LAIR2: variants seen among roughly 807,000 people sequenced by gnomAD.
LAIR2 encodes the protein leukocyte associated immunoglobulin like receptor 2.
In LAIR2, 14 loss-of-function variants were observed where a neutral mutation model predicts 14.8. The ratio of observed to expected loss-of-function variants is 0.95; its 90% CI spans 0.62 to 1.48. The LOEUF is 1.48. Ranked by LOEUF, LAIR2 falls within the 40% of genes most tolerant of loss-of-function variation. The pLI is 0.00. For missense variants in LAIR2, 172 were observed against 180.9 expected, an observed-to-expected ratio of 0.95 and a Z score of 0.28; for synonymous variants, 75 against 74.5, an observed-to-expected ratio of 1.01 and a Z score of -0.03.
chr19:54,508,223 G>C (rs2277973), intron 3 of LAIR2, 39 bp downstream of exon 3: 35 of 1,579,040 alleles, frequency 2.2e-5, no homozygotes, highest in Non-Finnish European at 3.0e-5. Context: ...GTCTCAGCTC[G>C]ACCCTCGAGC....
intron 1 of LAIR2, among the ~76,000 whole-genome samples, chr19:54,503,184 A>G (rs562925300): frequency 1.6e-4 from 24 of 152,208 alleles, no homozygotes; most frequent in Admixed American, 1.3e-4. Flanking sequence ...CTGGGGGGCC[A>G]GGCGCGGTGC....
chr19:54,503,544 C>T (rs1345000796), intron 1 of LAIR2, among the ~76,000 whole-genome samples, 156 bp from the exon 2 acceptor site: 1 of 152,180 alleles, frequency 6.6e-6, no homozygotes, highest in Non-Finnish European at 1.5e-5. Flanking sequence ...CATTTTGCAG[C>T]AAGAAGGATT....
intron 3 of LAIR2, among the ~76,000 whole-genome samples, chr19:54,508,797 C>T (rs1428182448): frequency 6.6e-6 from 1 of 152,294 alleles, no homozygotes; most frequent in Admixed American, 6.5e-5. Context: ...TCAGCAGTCC[C>T]CTGAGGTCAA....
intron 3 of LAIR2, among the ~76,000 whole-genome samples, chr19:54,508,439 C>T (rs10424741): frequency 1.3e-5 from 2 of 152,220 alleles, no homozygotes; most frequent in Non-Finnish European, 2.9e-5. Flanking sequence ...ATTGGGTTGG[C>T]TCAGAGCTGG....
Position 54,508,009 on chromosome 19 carries a change from G to A in LAIR2, c.189G>A (p.Glu63=), listed in dbSNP as rs2085396025. 5 of 1,614,078 alleles carry A rather than the reference G, an allele frequency of 3.1e-6. No homozygotes were observed. In the East Asian group the frequency reaches 8.9e-5, roughly 29 times the overall value. ...VGVQTFRLER[E]DRAKYKDSYN... is the part of the protein sequence containing the mutation. ...TTCAAACATTCCGCCTGGAGAGGGA[G>A]GATAGAGCCAAGTACAAAGATAGTT... Residue 63 remains glutamate, a synonymous_variant, in exon 3 of 5, where the codon GAG becomes GAA. Coordinates refer to ENST00000301202, the MANE Select transcript of LAIR2 (RefSeq NM_002288.6).
intron 4 of LAIR2, among the ~76,000 whole-genome samples, chr19:54,509,937 T>A (rs1462966272): frequency 6.7e-6 from 1 of 149,322 alleles, no homozygotes; most frequent in Non-Finnish European, 1.5e-5. Flanking sequence ...ATCCCCAGAG[T>A]ACGTCCTTGG....
At chr19:54,507,744 G>A (rs113776160) in intron 2 of LAIR2, 147 bp from the exon 3 acceptor site, 60 of 725,620 alleles carry the variant, frequency 8.3e-5, no homozygotes, top group Non-Finnish European at 8.9e-5. Flanking sequence ...TGCAGGAGGC[G>A]TGGGAATGTT....
chr19:54,503,072 AG>A, intron 1 of LAIR2, 120 bp downstream of exon 1: 1 of 931,698 alleles, frequency 1.1e-6, no homozygotes, highest in Non-Finnish European at 1.7e-6. Flanking sequence ...CCTCCCCCCA[AG>A]ACTGCCCTAC....
chr19:54,507,026 A>G (rs1043802406), intron 2 of LAIR2, among the ~76,000 whole-genome samples: 1 of 151,764 alleles, frequency 6.6e-6, no homozygotes, highest in African/African-American at 2.4e-5. Flanking sequence ...ATCATGTTGT[A>G]CACCTTAAAT....
At chr19:54,503,643 C>T (rs550851903) in intron 1 of LAIR2, 57 bp from the exon 2 acceptor site, 2 of 1,612,170 alleles carry the variant, frequency 1.2e-6, no homozygotes, top group South Asian at 2.2e-5. Context: ...CTTTTGACAG[C>T]AGCCCTGTAA....
At chr19:54,510,302 G>A (rs558563974) in intron 4 of LAIR2, among the ~76,000 whole-genome samples, 2 of 150,714 alleles carry the variant, frequency 1.3e-5, no homozygotes, top group Non-Finnish European at 2.9e-5. Context: ...TTCAAATCCC[G>A]GTGGTTCTGC....
chr19:54,503,795 G>A, intron 2 of LAIR2, 60 bp downstream of exon 2: 1 of 1,611,128 alleles, frequency 6.2e-7, no homozygotes, highest in Non-Finnish European at 8.5e-7. Flanking sequence ...GGCAGTGCTG[G>A]GTGGGAGTGA....
At chr19:54,505,798 A>T (rs184262998) in intron 2 of LAIR2, among the ~76,000 whole-genome samples, 1 of 148,814 alleles carries the variant, frequency 6.7e-6, no homozygotes, top group Admixed American at 6.7e-5. Flanking sequence ...GCCGCTCAAC[A>T]TGGTGGTTCT....
rs769096148 is a variant in LAIR2, at chr19:54,502,955, G to A, written c.34+3G>A. The stretch of plus-strand genomic sequence containing the variant: ...CCTCACTGCTCTCCTGGGCCTAGGT[G>A]AGTCCTGGAGGGAGCGGGAAGGACT... On this transcript the variant is annotated splice_donor_region_variant and intron_variant, in intron 1 of 4. Transcript: ENST00000301202. 1.2e-6 allele frequency: 2 copies of A among 1,612,456 alleles called. No homozygotes were observed. Among genetic ancestry groups the A allele is most frequent in the South Asian group, 2.2e-5 (2 of 90,864 alleles).
intron 1 of LAIR2, among the ~76,000 whole-genome samples, chr19:54,503,341 C>T (rs113717581): frequency 0.049 from 7,488 of 152,058 alleles, 253 homozygotes; most frequent in African/African-American, 0.098. Context: ...ACCTGTAATC[C>T]CAGCTACTCG....
intron 3 of LAIR2, among the ~76,000 whole-genome samples, chr19:54,508,390 C>T (rs2085408770): frequency 6.6e-6 from 1 of 152,208 alleles, no homozygotes; most frequent in East Asian, 1.9e-4. Context: ...CCCTGATCTC[C>T]TCTGGACGCC....
In LAIR2 at chr19:54,508,071, C is replaced by T. The variant is rs772757414; in HGVS notation, c.251C>T (p.Ala84Val). 1 of 1,614,074 alleles carries T rather than the reference C, an allele frequency of 6.2e-7. No homozygotes were observed. Among genetic ancestry groups the T allele is most frequent in the East Asian group, 2.2e-5 (1 of 44,882 alleles). ...CGACTTGGTCCATCTGAGTCAGAGGCCAGATTCCACATTGACTCAGTAAGT... is the reference window on the plus strand; with the variant it reads ...CGACTTGGTCCATCTGAGTCAGAGGTCAGATTCCACATTGACTCAGTAAGT... Reference protein sequence around the residue: ...VFRLGPSESEARFHIDSVSEG... With the variant: ...VFRLGPSESEVRFHIDSVSEG... The change falls in exon 3 of 5, where the codon GCC becomes GTC. Residue 84 changes from alanine to valine, a missense_variant. This residue lies in a region of LAIR2 where 161 missense variants were observed against 149.0 expected (regional missense o/e 1.08). Transcript: ENST00000301202.
intron 2 of LAIR2, 29 bp from the exon 3 acceptor site, chr19:54,507,862 G>A: frequency 1.9e-6 from 3 of 1,600,104 alleles, no homozygotes; most frequent in East Asian, 2.2e-5. Flanking sequence ...TACAGTGGAC[G>A]CTGAGATCCT....
At position 54,502,971 on chromosome 19, in the gene LAIR2, G is replaced by A. The variant is rs775366718; in HGVS notation, c.34+19G>A. 78 of 1,606,664 alleles carry A rather than the reference G, an allele frequency of 4.9e-5. No homozygotes were observed. Among genetic ancestry groups the A allele is most frequent in the East Asian group, 6.7e-5 (3 of 44,722 alleles). On this transcript the variant is annotated intron_variant, in intron 1 of 4. Transcript: ENST00000301202. ...GGCCTAGGTGAGTCCTGGAGGGAGC[G>A]GGAAGGACTGGAAAGGGGGTCGGGA...
Sources: allele counts gnomAD v4.1 joint callset (sites outside exome capture counted in the v4.1 genomes callset), GRCh38; gene constraint gnomAD v4.1.1; regional missense constraint gnomAD v4.1.1; transcripts MANE v1.5; gene names NCBI Gene and HGNC (gene_info 2026-07-23, HGNC 2026-07-21).